LMNTD1: variants seen among roughly 807,000 people sequenced by gnomAD.
LMNTD1 encodes the protein lamin tail domain containing 1, also known as lamin tail domain-containing protein 1.
In LMNTD1, 35 loss-of-function variants were observed where a neutral mutation model predicts 50.9. The observed-to-expected ratio is 0.69, with a 90% confidence interval of 0.53 to 0.91. The LOEUF (loss-of-function observed/expected upper bound fraction) is 0.91, where lower values mean the gene tolerates loss of function less well. LMNTD1 is among the 40% of genes least tolerant of loss of function. The pLI is 0.00. For missense variants in LMNTD1, 470 were observed against 475.5 expected (o/e 0.99, Z 0.11); for synonymous variants, 153 against 161.9 (o/e 0.94, Z 0.42).
intron 1 of LMNTD1, chr12:25,582,408 A>G (rs1337109934): frequency 1.2e-4 from 18 of 152,240 alleles, no homozygotes; most frequent in Admixed American, 1.2e-3. Context: ...ATTGCATACA[A>G]ATTTATAACT....
At chr12:25,628,475 A>C (rs1946644283) in intron 1 of LMNTD1, among the ~76,000 whole-genome samples, 1 of 152,170 alleles carries the variant, frequency 6.6e-6, no homozygotes, top group African/African-American at 2.4e-5. Context: ...AGAATTGTAG[A>C]TTCTAATAAT....
Position 25,519,847 on chromosome 12 carries a change from A to G in LMNTD1, c.1016+11T>C, listed in dbSNP as rs775002964. 1 of 1,594,236 alleles carries G rather than the reference A, an allele frequency of 6.3e-7. No individual in the cohort carries two copies. Among genetic ancestry groups the G allele is most frequent in the South Asian group, 1.1e-5 (1 of 90,096 alleles). On this transcript the variant is annotated intron_variant, in intron 7 of 9. Coordinates refer to ENST00000458174, the MANE Select transcript of LMNTD1 (RefSeq NM_001145728.2). ...GGACCCATTAAAACAAACAAACCAA[A>G]CAACCCTTACCTCTTAAGAAGAACT...
At chr12:25,580,989 C>A (rs759362113) in intron 1 of LMNTD1, among the ~76,000 whole-genome samples, 8 of 152,192 alleles carry the variant, frequency 5.3e-5, no homozygotes, top group Non-Finnish European at 1.0e-4. Context: ...CCCCCATGAA[C>A]AGTAAGCTTT....
At chr12:25,620,113 G>A (rs567848292) in intron 1 of LMNTD1, among the ~76,000 whole-genome samples, 2 of 152,168 alleles carry the variant, frequency 1.3e-5, no homozygotes, top group South Asian at 4.2e-4. Flanking sequence ...GAACAAAAAG[G>A]GACTAGCTAC....
chr12:25,536,068 A>G (rs1942560742), intron 4 of LMNTD1, among the ~76,000 whole-genome samples: 2 of 152,170 alleles, frequency 1.3e-5, no homozygotes, highest in Admixed American at 6.5e-5. Flanking sequence ...CTAATAACAA[A>G]GCTTTAGAAT....
chr12:25,614,233 C>T (rs1174615643), intron 1 of LMNTD1, among the ~76,000 whole-genome samples: 1 of 151,966 alleles, frequency 6.6e-6, no homozygotes, highest in Non-Finnish European at 1.5e-5. Context: ...TTCTAGTTCT[C>T]TTCTGGCCTC....
At chr12:25,530,423 A>G (rs185732104) in intron 4 of LMNTD1, among the ~76,000 whole-genome samples, 4 of 152,256 alleles carry the variant, frequency 2.6e-5, no homozygotes, top group Non-Finnish European at 5.9e-5. Context: ...AAACGTTTCA[A>G]TAATTTGCTT....
intron 1 of LMNTD1, among the ~76,000 whole-genome samples, chr12:25,593,232 A>G (rs1945753635): frequency 1.3e-5 from 2 of 152,142 alleles, no homozygotes; most frequent in African/African-American, 4.8e-5. Context: ...TGAAAGCTCC[A>G]ATCCTGGCAA....
At chr12:25,619,248 C>CTATA (rs1256778114) in intron 1 of LMNTD1, among the ~76,000 whole-genome samples, 89 of 78,512 alleles carry the variant, frequency 1.1e-3, no homozygotes, top group African/African-American at 4.5e-3. Flanking sequence ...CTCTCTCTCT[C>CTATA]TCTCTATATA....
intron 9 of LMNTD1, among the ~76,000 whole-genome samples, chr12:25,496,721 C>A (rs1196235198): frequency 3.9e-5 from 6 of 152,138 alleles, no homozygotes; most frequent in South Asian, 2.1e-4. Flanking sequence ...ATTAGAAGTA[C>A]TTTGTAAACC....
At chr12:25,522,153 T>C (rs981859154) in intron 6 of LMNTD1, among the ~76,000 whole-genome samples, 1 of 151,920 alleles carries the variant, frequency 6.6e-6, no homozygotes, top group African/African-American at 2.4e-5. Context: ...AGAAAGAAGA[T>C]GAATTCTTTT....
chr12:25,602,736 T>C lies in LMNTD1; in HGVS notation c.58+45758A>G, dbSNP rs554113548. Among the ~76,000 whole-genome samples, 6 of 152,114 alleles carry C rather than the reference T, an allele frequency of 3.9e-5. No individual in the cohort carries two copies. The South Asian group carries it at 8.3e-4, about 21-fold the overall frequency. ...CAGTTAAGCATGTCAACTTGTGATA[T>C]GACTTTTAGTCCCTGCTAATTTCAG... On this transcript the variant is annotated intron_variant, in intron 1 of 7. Coordinates refer to the LMNTD1 transcript ENST00000445693.
intron 4 of LMNTD1, among the ~76,000 whole-genome samples, chr12:25,543,609 C>G (rs904028210): frequency 3.3e-5 from 5 of 151,038 alleles, no homozygotes; most frequent in African/African-American, 1.2e-4. Flanking sequence ...TTTATTGTTT[C>G]TTTTCTTCTA....
At chr12:25,556,154 G>A (rs1203131902), upstream of LMNTD1, among the ~76,000 whole-genome samples, 1 of 151,970 alleles carries the variant, frequency 6.6e-6, no homozygotes, top group Non-Finnish European at 1.5e-5. Context: ...TGTATTTTTA[G>A]TAGAGACGAG....
chr12:25,623,022 GAA>G (rs1246976065), intron 1 of LMNTD1, among the ~76,000 whole-genome samples: 1 of 151,986 alleles, frequency 6.6e-6, no homozygotes, highest in South Asian at 2.1e-4. Flanking sequence ...TGGGCACACT[GAA>G]AAGAGTTAGC....
chr12:25,574,018 A>G (rs1247385122), intron 1 of LMNTD1, among the ~76,000 whole-genome samples: 2 of 152,012 alleles, frequency 1.3e-5, no homozygotes, highest in Non-Finnish European at 1.5e-5. Context: ...CCTTTTCTCA[A>G]CTAGCACAGC....
At chr12:25,484,415 A>G (rs898739586) in intron 9 of LMNTD1, among the ~76,000 whole-genome samples, 1 of 151,966 alleles carries the variant, frequency 6.6e-6, no homozygotes, top group Non-Finnish European at 1.5e-5. Flanking sequence ...TGTTTGTAAT[A>G]AGAAACATTT....
rs376707066 is a variant in LMNTD1 at position 25,527,681 on chromosome 12, T to TACACAC, written c.492-732_492-727dup. The stretch of plus-strand genomic sequence containing the variant: ...ATATATATATATATATATATATATA[T>TACACAC]ACACACACACACACACACACACACA... On this transcript the variant is annotated intron_variant, in intron 4 of 9. Transcript: ENST00000458174. Among the ~76,000 whole-genome samples the TACACAC allele has an allele frequency of 4.7e-3, 153 of 32,266 alleles. 4 individuals carry two copies. The highest frequency in any genetic ancestry group is 0.011 in the South Asian group (11 of 994). The allele number at this position is 32,266 out of a possible 152,430, so 21.2% of individuals were successfully genotyped here.
At chr12:25,594,359 G>T (rs1945786999) in intron 1 of LMNTD1, among the ~76,000 whole-genome samples, 1 of 152,132 alleles carries the variant, frequency 6.6e-6, no homozygotes, top group South Asian at 2.1e-4. Flanking sequence ...ATTAACAGTA[G>T]ATTTCTCAGC....
Sources: allele counts gnomAD v4.1 joint callset (sites outside exome capture counted in the v4.1 genomes callset), GRCh38; gene constraint gnomAD v4.1.1; transcripts MANE v1.5; gene names NCBI Gene and HGNC (gene_info 2026-07-23, HGNC 2026-07-21).